The following CCHCR1 variants were observed in gnomAD, a reference collection of about 807,000 sequenced individuals.
CCHCR1 encodes coiled-coil alpha-helical rod protein 1.
CCHCR1 carries 91 observed loss-of-function variants against 114.6 expected under a neutral mutation model. The observed-to-expected ratio is 0.79, with a 90% CI of 0.67 to 0.94. CCHCR1 has a LOEUF of 0.94. Ranked by LOEUF, CCHCR1 falls within the 40% of genes least tolerant of loss-of-function variation. The probability of loss-of-function intolerance (pLI) is 0.00; values close to 1 mark genes in which losing one functional copy is unlikely to be tolerated. For synonymous variants in CCHCR1, 379 were observed against 428.5 expected (o/e 0.88, Z 1.43); for missense variants, 899 against 1,079.9 (o/e 0.83, Z 2.35).
Position 31,145,218 on chromosome 6 carries a change from C to T in CCHCR1, c.1824G>A (p.Leu608=), listed in dbSNP as rs779839053. ...REERNRLDAE[L]QLSARLIQQE... The stretch of plus-strand genomic sequence containing the variant: ...GCTGGATGAGGCGGGCACTCAGCTG[C>T]AGTTCTGCATCCAGGCGGTTCCGTT... Residue 608 remains leucine (L), a synonymous_variant, in exon 13 of 18, where the codon CTG becomes CTA. Transcript: ENST00000396268. The T allele has an allele frequency of 6.2e-7, 1 of 1,613,436 alleles. No homozygotes were observed.
Position 31,142,452 on chromosome 6 carries a change from G to A in CCHCR1, c.*140C>T, listed in dbSNP as rs116109529. Reference sequence around the variant, plus strand: ...CCAAACAATGGCTCCTTCTGTAGTCGTCTTTATTTAGAGCAGAATTCAGAC... The same window carrying A: ...CCAAACAATGGCTCCTTCTGTAGTCATCTTTATTTAGAGCAGAATTCAGAC... On this transcript the variant is annotated 3_prime_UTR_variant, in exon 18 of 18. Transcript: ENST00000396268. The A allele has an allele frequency of 5.4e-3, 3,610 of 669,970 alleles. 32 individuals carry two copies. Among genetic ancestry groups the A allele is most frequent in the African/African-American group, 0.021 (1,186 of 56,040 alleles). 41.5% of individuals were successfully genotyped at this position (669,970 alleles called of 1,614,324 possible). A position where few individuals can be genotyped will look rare whatever the true frequency, so the allele number is the denominator to read the frequency against.
chr6:31,152,545 G>C (rs1284951500), intron 4 of CCHCR1, among the ~76,000 whole-genome samples: 1 of 151,932 alleles, frequency 6.6e-6, no homozygotes, highest in Non-Finnish European at 1.5e-5. Context: ...TACCATGTTG[G>C]CCAGGCTGGT....
At chr6:31,157,262 C>T (rs1776164471) in intron 1 of CCHCR1, 123 bp downstream of exon 1, 2 of 1,047,634 alleles carry the variant, frequency 1.9e-6, no homozygotes, top group Non-Finnish European at 2.9e-6. Flanking sequence ...ACTTGCTTGT[C>T]TCAACCTGGT....
In CCHCR1 at chr6:31,148,527, C is replaced by G; in HGVS notation, c.1474-16G>C. 6.2e-7 allele frequency: 1 copy of G among 1,605,342 alleles called. No homozygotes were observed. Among genetic ancestry groups the G allele is most frequent in the South Asian group, 1.1e-5 (1 of 90,834 alleles). Reference sequence around the variant, plus strand: ...ACTGCAGGCCCTGGGGAGGATGCAGCAAAGGACAGGGTCCCTCCCTAAGTC... The same window carrying G: ...ACTGCAGGCCCTGGGGAGGATGCAGGAAAGGACAGGGTCCCTCCCTAAGTC... On this transcript the variant is annotated splice_polypyrimidine_tract_variant and intron_variant, in intron 9 of 17. Coordinates refer to ENST00000396268, the MANE Select transcript of CCHCR1 (RefSeq NM_001105564.2).
Position 31,144,972 on chromosome 6 carries a change from C to T in CCHCR1, c.1978G>A (p.Val660Ile), listed in dbSNP as rs140284482. The T allele has an allele frequency of 1.9e-6, 3 of 1,609,444 alleles. No homozygotes were observed. The African/African-American group carries it at 4.0e-5, about 21-fold the overall frequency. ...SLASLGLQLE[V>I]ARQGQQESTE... is the part of the protein sequence containing the mutation. ...CTCTCCTGCTGGCCCTGGCGTGCTA[C>T]CTCCAGCTGCAGCCCCAAGCTAGCC... The change falls in exon 14 of 18, where the codon GTA becomes ATA. Residue 660 changes from valine (V) to isoleucine (I), a missense_variant. Physicochemically the swap from Val to Ile is conservative, Grantham distance 29. Transcript: ENST00000396268. The surrounding 1 kb of genome is among the most constrained non-coding windows in gnomAD (Gnocchi z 4.6).
intron 8 of CCHCR1, chr6:31,149,211 A>C (rs1252992368): frequency 6.3e-6 from 1 of 158,180 alleles, no homozygotes; most frequent in Non-Finnish European, 1.4e-5. Context: ...GGGAGACAGA[A>C]GCTTAGGTTC....
intron 4 of CCHCR1, among the ~76,000 whole-genome samples, chr6:31,153,712 T>C (rs9263777): frequency 0.15 from 22,200 of 152,256 alleles, 1,735 homozygotes; most frequent in African/African-American, 0.16. Flanking sequence ...CCCAAGTAGC[T>C]GGGATTACAG....
At chr6:31,149,932 C>T in intron 8 of CCHCR1, 134 bp downstream of exon 8, 7 of 861,770 alleles carry the variant, frequency 8.1e-6, no homozygotes, top group Non-Finnish European at 1.3e-5. Context: ...GCAAGCTCCA[C>T]ATTTTAGTTT....
rs1377499473 is a variant in CCHCR1 at position 31,143,249 on chromosome 6, T to C, written c.2319+13A>G. On this transcript the variant is annotated intron_variant, in intron 16 of 17. Transcript: ENST00000396268. The surrounding 1 kb of genome is among the most constrained non-coding windows in gnomAD (Gnocchi z 5.3). ...GGCCCTAGTGTCTGCCTGTCTGCCCTCCTGTCTCCTACCAGCATGAGGTTC... is the reference window on the plus strand; with the variant it reads ...GGCCCTAGTGTCTGCCTGTCTGCCCCCCTGTCTCCTACCAGCATGAGGTTC... The C allele has an allele frequency of 6.2e-7, 1 of 1,612,520 alleles. No homozygotes were observed. The highest frequency in any genetic ancestry group is 1.7e-5 in the Admixed American group (1 of 60,016).
intron 8 of CCHCR1, among the ~76,000 whole-genome samples, chr6:31,148,963 C>A (rs1404309709): frequency 1.3e-5 from 2 of 151,912 alleles, no homozygotes; most frequent in African/African-American, 4.8e-5. Context: ...ATCAGCCTGA[C>A]CAACATGGTG....
At chr6:31,149,702 C>CA (rs1774931103) in intron 8 of CCHCR1, 1 of 177,394 alleles carries the variant, frequency 5.6e-6, no homozygotes, top group Non-Finnish European at 1.2e-5. Context: ...CTCGGTCTCC[C>CA]AAACTGTTGG....
In CCHCR1 at chr6:31,143,132, G is replaced by A. The variant is rs1773780865; in HGVS notation, c.2322C>T (p.Ala774=). The A allele has an allele frequency of 6.2e-7, 1 of 1,612,784 alleles. No homozygotes were observed. Among genetic ancestry groups the A allele is most frequent in the South Asian group, 1.1e-5 (1 of 91,056 alleles). Residue 774 remains alanine, a splice_region_variant and synonymous_variant, in exon 17 of 18, where the codon GCC becomes GCT. Transcript: ENST00000396268. This position sits in a 1 kb window ranked among gnomAD's most constrained non-coding sequence, Gnocchi z 5.3. ...ELERDKNLML[A]TLQQEGLLSR... ...AGAGGAGACCTTCCTGCTGCAAGGT[G>A]GCCTGGGAAGGAGAGGGTTAAACCT...
intron 4 of CCHCR1, among the ~76,000 whole-genome samples, chr6:31,153,508 T>C (rs1775555028): frequency 6.6e-6 from 1 of 152,208 alleles, no homozygotes; most frequent in African/African-American, 2.4e-5. Context: ...TTTTGGATTT[T>C]GACTCACAGG....
At chr6:31,142,801 G>C in intron 17 of CCHCR1, 85 bp from the exon 18 acceptor site, 6 of 1,548,694 alleles carry the variant, frequency 3.9e-6, no homozygotes, top group Non-Finnish European at 5.3e-6. Context: ...AGGAAATGAG[G>C]AATGGGAGAG....
Position 31,157,383 on chromosome 6 carries a change from A to G in CCHCR1, c.216+2T>C. The G allele has an allele frequency of 6.2e-7, 1 of 1,609,912 alleles. No homozygotes were observed. On this transcript the variant is annotated splice_donor_variant, in intron 1 of 17. Coordinates refer to ENST00000396268, the MANE Select transcript of CCHCR1 (RefSeq NM_001105564.2). LOFTEE classifies it high-confidence loss of function. ...TTTCAGGATTCTGGGCAGTGCCTCT[A>G]CCCTCCTCCTTAAGTTTCTATGGTC... is the stretch of plus-strand genomic sequence containing the variant.
rs1357889107 is a variant in CCHCR1, at chr6:31,145,247, CCCGCAACTGCTGCA to C, written c.1781_1794del (p.Leu594Ter). On this transcript the variant is annotated frameshift_variant, in exon 13 of 18. Transcript: ENST00000396268. LOFTEE classifies it high-confidence loss of function. The stretch of plus-strand genomic sequence containing the variant: ...TCTGCATCCAGGCGGTTCCGTTCTT[CCCGCAACTGCTGCA>C]ACTCAAGGCTCACGTCTGTGACCGG... The C allele has an allele frequency of 6.2e-7, 1 of 1,613,872 alleles. No homozygotes were observed. Among genetic ancestry groups the C allele is most frequent in the Admixed American group, 1.7e-5 (1 of 60,018 alleles).
chr6:31,150,284 T>C lies in CCHCR1; in HGVS notation c.1213-69A>G. The C allele has an allele frequency of 6.5e-7, 1 of 1,543,898 alleles. No individual in the cohort carries two copies. Among genetic ancestry groups the C allele is most frequent in the Non-Finnish European group, 8.9e-7 (1 of 1,123,954 alleles). Reference sequence around the variant, plus strand: ...GGAGAGGAAGGAGGTGGCATCTTTGTTTCTCCTCTGTCCTGCCTGGGCAAC... The same window carrying C: ...GGAGAGGAAGGAGGTGGCATCTTTGCTTCTCCTCTGTCCTGCCTGGGCAAC... On this transcript the variant is annotated intron_variant, in intron 7 of 17. Coordinates refer to ENST00000396268, the MANE Select transcript of CCHCR1 (RefSeq NM_001105564.2). This position sits in a 1 kb window ranked among gnomAD's most constrained non-coding sequence, Gnocchi z 5.3.
chr6:31,153,630 AG>A (rs1434334928), intron 4 of CCHCR1, among the ~76,000 whole-genome samples: 1 of 151,996 alleles, frequency 6.6e-6, no homozygotes, highest in Admixed American at 6.5e-5. Flanking sequence ...CCCAGGCTGG[AG>A]TGCAATGGCA....
At chr6:31,147,937 C>A (rs1332113721) in intron 10 of CCHCR1, among the ~76,000 whole-genome samples, 1 of 152,048 alleles carries the variant, frequency 6.6e-6, no homozygotes, top group Admixed American at 6.5e-5. Context: ...AAGATTGCGC[C>A]ATTGCACTCC....
Sources: gnomAD v4.1 joint callset for allele counts (sites outside exome capture counted in the v4.1 genomes callset) on GRCh38, gnomAD v4.1.1 for gene constraint, Gnocchi (gnomAD v3.1) non-coding constraint, MANE v1.5 for transcripts, NCBI Gene and HGNC (gene_info 2026-07-23, HGNC 2026-07-21) for gene names.